Variants in FAM227B observed in about 807,000 individuals in gnomAD.
FAM227B encodes the protein protein FAM227B.
FAM227B carries 88 observed loss-of-function variants against 73.8 expected under a neutral mutation model. The ratio of observed to expected loss-of-function variants is 1.19; its 90% CI spans 1.00 to 1.42. FAM227B has a LOEUF of 1.42. Among genes scored for constraint, FAM227B ranks in the 40% most tolerant of loss-of-function variants. FAM227B has a pLI of 0.00. For synonymous variants in FAM227B, 210 were observed against 190.5 expected, an observed-to-expected ratio of 1.10 and a Z score of -0.84; for missense variants, 632 against 590.9, an observed-to-expected ratio of 1.07 and a Z score of -0.72.
chr15:49,577,098 A>C, intron 6 of FAM227B: 1 of 348,310 alleles, frequency 2.9e-6, no homozygotes, highest in Admixed American at 4.6e-5. Context: ...GGAGTTCGAG[A>C]CCAGCCTGGA....
chr15:49,461,539 C>T (rs2053800579), intron 11 of FAM227B, among the ~76,000 whole-genome samples: 1 of 152,144 alleles, frequency 6.6e-6, no homozygotes, highest in Admixed American at 6.5e-5. Context: ...TGCTAGATGT[C>T]TTGTCTATCT....
chr15:49,556,595 AG>A (rs779390321), intron 9 of FAM227B, among the ~76,000 whole-genome samples: 15 of 152,120 alleles, frequency 9.9e-5, no homozygotes, highest in Admixed American at 2.6e-4. Context: ...GGCCCCCGGG[AG>A]GCAGCCCATT....
At position 49,364,014 on chromosome 15, in the gene FAM227B, C is replaced by A. The variant is rs560581517; in HGVS notation, c.1271+3434G>T. On this transcript the variant is annotated intron_variant, in intron 13 of 15. Transcript: ENST00000299338. ...TTTTGACATGCTGCTGGATTCCGTT[C>A]GCTAGTATTTTGTTGAGAATTTTTG... Among the ~76,000 whole-genome samples the A allele has an allele frequency of 3.3e-5, 5 of 152,088 alleles. No individual in the cohort carries two copies. The East Asian group carries it at 9.6e-4, about 29-fold the overall frequency.
intron 5 of FAM227B, among the ~76,000 whole-genome samples, chr15:49,586,819 C>T (rs1351403845): frequency 2.6e-5 from 4 of 152,046 alleles, no homozygotes; most frequent in Non-Finnish European, 5.9e-5. Flanking sequence ...ATCAAAACCG[C>T]AATGAGATAC....
At chr15:49,568,124 C>T (rs2074803383) in intron 9 of FAM227B, 121 bp downstream of exon 9, 1 of 785,448 alleles carries the variant, frequency 1.3e-6, no homozygotes, top group Non-Finnish European at 2.0e-6. Context: ...TAATACTCTA[C>T]ACCAACTTTG....
At chr15:49,620,452 T>C (rs950079257) in intron 1 of FAM227B, among the ~76,000 whole-genome samples, 2 of 152,216 alleles carry the variant, frequency 1.3e-5, no homozygotes, top group African/African-American at 4.8e-5. Flanking sequence ...TAATAACTTA[T>C]CCACATATTA....
intron 3 of FAM227B, among the ~76,000 whole-genome samples, chr15:49,603,409 A>T (rs1025408346): frequency 6.6e-6 from 1 of 151,994 alleles, no homozygotes; most frequent in African/African-American, 2.4e-5. Flanking sequence ...TATACATGGG[A>T]TTACTTTTTA....
chr15:49,494,299 T>C (rs1263794865), intron 11 of FAM227B, among the ~76,000 whole-genome samples: 3 of 143,762 alleles, frequency 2.1e-5, no homozygotes, highest in African/African-American at 8.4e-5. Context: ...ACCCTAAACA[T>C]AGAGTCAGCA....
At chr15:49,455,327 G>T (rs1334359700) in intron 11 of FAM227B, among the ~76,000 whole-genome samples, 2 of 152,080 alleles carry the variant, frequency 1.3e-5, no homozygotes, top group Non-Finnish European at 2.9e-5. Flanking sequence ...TGAAAATCAA[G>T]GTCAATCTGT....
chr15:49,529,004 CA>C (rs549748990), intron 10 of FAM227B, among the ~76,000 whole-genome samples: 369 of 151,618 alleles, frequency 2.4e-3, no homozygotes, highest in African/African-American at 8.4e-3. Flanking sequence ...AATCACTATA[CA>C]AAAAAAGACA....
intron 3 of FAM227B, among the ~76,000 whole-genome samples, chr15:49,594,946 T>C (rs2076806101): frequency 6.6e-6 from 1 of 152,128 alleles, no homozygotes; most frequent in Non-Finnish European, 1.5e-5. Flanking sequence ...GACTGTTTTT[T>C]CTAGTTCTGT....
chr15:49,615,442 G>C (rs1428250265), intron 1 of FAM227B, among the ~76,000 whole-genome samples, 199 bp from the exon 2 acceptor site: 1 of 152,168 alleles, frequency 6.6e-6, no homozygotes, highest in Admixed American at 6.5e-5. Flanking sequence ...GATCATGGGG[G>C]TGGTTTCTAA....
At chr15:49,347,137 T>C (rs912054303) in intron 13 of FAM227B, among the ~76,000 whole-genome samples, 1 of 152,194 alleles carries the variant, frequency 6.6e-6, no homozygotes, top group African/African-American at 2.4e-5. Context: ...AGTTTTGTAG[T>C]ATACTCAGGA....
chr15:49,577,598 T>A, intron 6 of FAM227B, 31 bp downstream of exon 6: 1 of 1,409,764 alleles, frequency 7.1e-7, no homozygotes, highest in South Asian at 1.2e-5. Flanking sequence ...ACACTTGATA[T>A]ACAATCTGGC....
At chr15:49,343,726 G>C (rs2041079692) in intron 13 of FAM227B, 1 of 152,108 alleles carries the variant, frequency 6.6e-6, no homozygotes. Context: ...TTATCCACTG[G>C]AATTTCCTGC....
At chr15:49,361,752 G>A (rs755930906) in intron 13 of FAM227B, among the ~76,000 whole-genome samples, 13 of 152,102 alleles carry the variant, frequency 8.5e-5, no homozygotes, top group Non-Finnish European at 1.6e-4. Flanking sequence ...ATTCCTTTGG[G>A]TATATACTCA....
intron 9 of FAM227B, among the ~76,000 whole-genome samples, chr15:49,545,626 T>A (rs909984791): frequency 6.6e-6 from 1 of 152,190 alleles, no homozygotes; most frequent in Admixed American, 6.5e-5. Context: ...TATAGACATT[T>A]AATGCTATGA....
chr15:49,389,132 C>T (rs2047052398), intron 11 of FAM227B, among the ~76,000 whole-genome samples: 1 of 151,920 alleles, frequency 6.6e-6, no homozygotes, highest in Non-Finnish European at 1.5e-5. Context: ...TCCAGCAATC[C>T]CACTGTGGGG....
chr15:49,424,590 A>G, intron 11 of FAM227B: 1 of 1,558,112 alleles, frequency 6.4e-7, no homozygotes, highest in Non-Finnish European at 8.7e-7. Flanking sequence ...TACAGTAAGT[A>G]ATTTTAAGTA....
Sources: gnomAD v4.1 joint callset for allele counts (sites outside exome capture counted in the v4.1 genomes callset) on GRCh38, gnomAD v4.1.1 for gene constraint, MANE v1.5 for transcripts, NCBI Gene and HGNC (gene_info 2026-07-23, HGNC 2026-07-21) for gene names.